The following NTRK2 variants were observed in gnomAD, a reference collection of about 807,000 sequenced individuals.
NTRK2 encodes BDNF/NT-3 growth factors receptor.
A neutral mutation model predicts 94.5 loss-of-function variants in NTRK2; 13 were observed. That is an observed-to-expected ratio of 0.14 (90% confidence interval 0.09 to 0.22). The LOEUF (loss-of-function observed/expected upper bound fraction) is 0.22, where lower values mean the gene tolerates loss of function less well. Among genes scored for constraint, NTRK2 ranks in the 10% least tolerant of loss-of-function variants. The pLI is 1.00. For missense variants in NTRK2, 639 were observed against 1,071.2 expected, an observed-to-expected ratio of 0.60 and a Z score of 5.63; for synonymous variants, 372 against 407.4, an observed-to-expected ratio of 0.91 and a Z score of 1.05.
At chr9:84,830,707 T>A (rs544433337) in intron 12 of NTRK2, among the ~76,000 whole-genome samples, 135 of 152,280 alleles carry the variant, frequency 8.9e-4, no homozygotes, top group South Asian at 8.3e-4. Flanking sequence ...AATATTTTTT[T>A]AAAAAAGTAT....
intron 12 of NTRK2, among the ~76,000 whole-genome samples, chr9:84,856,315 T>A (rs1347299051): frequency 6.6e-6 from 1 of 152,160 alleles, no homozygotes; most frequent in Non-Finnish European, 1.5e-5. Context: ...TAAGGATATG[T>A]CCTTAAGTAA....
chr9:84,821,470 C>T (rs928255934), intron 12 of NTRK2, among the ~76,000 whole-genome samples: 3 of 152,184 alleles, frequency 2.0e-5, no homozygotes, highest in African/African-American at 7.2e-5. Context: ...ACACTCCCAG[C>T]TCTTCTTAAA....
intron 17 of NTRK2, among the ~76,000 whole-genome samples, chr9:85,016,427 A>G (rs1832234774): frequency 6.6e-6 from 1 of 152,218 alleles, no homozygotes; most frequent in Non-Finnish European, 1.5e-5. Context: ...AGAGCCCCTG[A>G]GGCCCCACAG....
intron 12 of NTRK2, among the ~76,000 whole-genome samples, chr9:84,762,861 T>C (rs1441074923): frequency 6.6e-6 from 1 of 152,184 alleles, no homozygotes; most frequent in Non-Finnish European, 1.5e-5. Flanking sequence ...TCAGGTTGCA[T>C]TTGCCTTTCT....
At position 85,007,460 on chromosome 9, in the gene NTRK2, A is replaced by G. The variant is rs75748234; in HGVS notation, c.2173-12746A>G. Among the ~76,000 whole-genome samples the G allele has an allele frequency of 5.7e-3, 861 of 152,334 alleles. 25 individuals carry two copies. The highest frequency in any genetic ancestry group is 0.039 in the East Asian group (202 of 5,182). On this transcript the variant is annotated intron_variant, in intron 17 of 18. Transcript: ENST00000277120. The stretch of plus-strand genomic sequence containing the variant: ...TTTATCCTAAGGGCAATGGGAAGTC[A>G]CTGAAGAGTTTGCTATTGTATTAAC...
At chr9:84,855,773 A>G (rs1455559937) in intron 12 of NTRK2, among the ~76,000 whole-genome samples, 1 of 152,192 alleles carries the variant, frequency 6.6e-6, no homozygotes, top group Non-Finnish European at 1.5e-5. Flanking sequence ...CTACGCCCAC[A>G]TAACAATACC....
intron 12 of NTRK2, among the ~76,000 whole-genome samples, chr9:84,852,532 C>T (rs202157403): frequency 6.6e-6 from 1 of 152,160 alleles, no homozygotes; most frequent in East Asian, 1.9e-4. Flanking sequence ...CTGCCTTTCT[C>T]AAAGTTCCAA....
At chr9:84,966,575 G>A (rs1222700542) in intron 17 of NTRK2, among the ~76,000 whole-genome samples, 1 of 152,106 alleles carries the variant, frequency 6.6e-6, no homozygotes, top group Non-Finnish European at 1.5e-5. Context: ...GGGATTACAG[G>A]CACCTGCCAC....
chr9:84,726,732 G>A (rs923584165), intron 8 of NTRK2, among the ~76,000 whole-genome samples: 1 of 152,062 alleles, frequency 6.6e-6, no homozygotes, highest in African/African-American at 2.4e-5. Context: ...TAACCTCATT[G>A]CACTTTGGTT....
intron 17 of NTRK2, among the ~76,000 whole-genome samples, chr9:85,001,902 G>A (rs1463533129): frequency 6.6e-6 from 1 of 152,292 alleles, no homozygotes; most frequent in Non-Finnish European, 1.5e-5. Flanking sequence ...GGCAGGGAGG[G>A]GACAATTGAA....
chr9:84,779,387 G>A (rs191354433), intron 12 of NTRK2, among the ~76,000 whole-genome samples: 119 of 152,328 alleles, frequency 7.8e-4, no homozygotes, highest in African/African-American at 2.8e-3. Flanking sequence ...TGCTGTTGAG[G>A]CTAAGGCCAA....
chr9:84,769,619 G>A (rs10746750), intron 12 of NTRK2, among the ~76,000 whole-genome samples: 88,124 of 152,036 alleles, frequency 0.58, 27,221 homozygotes, highest in South Asian at 0.68. Context: ...AAAGAGCCAA[G>A]GACTTATTGC....
chr9:84,865,443 A>T (rs1046515474), intron 13 of NTRK2, among the ~76,000 whole-genome samples: 1 of 152,158 alleles, frequency 6.6e-6, no homozygotes, highest in African/African-American at 2.4e-5. Flanking sequence ...ACAAACTGTG[A>T]TAATCTCCAT....
intron 12 of NTRK2, among the ~76,000 whole-genome samples, chr9:84,791,670 G>A (rs1216111832): frequency 2.0e-5 from 3 of 152,100 alleles, no homozygotes; most frequent in Non-Finnish European, 4.4e-5. Context: ...GTAATGTTTT[G>A]TTATTTATTT....
intron 14 of NTRK2, chr9:84,872,162 A>G: frequency 4.2e-6 from 5 of 1,195,274 alleles, no homozygotes; most frequent in Non-Finnish European, 3.1e-6. Context: ...TGAACACCAC[A>G]TCACCTGACA....
In NTRK2 at chr9:84,955,228, C is replaced by T. The variant is rs3739807; in HGVS notation, c.1938-55C>T. On this transcript the variant is annotated intron_variant, in intron 16 of 18. Transcript: ENST00000277120. ...GACGGGGAGGGGCAGGGGCAAAGGG[C>T]CCCTGGAGTGAAAATGCTGAGGCCC... 0.076 allele frequency: 109,964 copies of T among 1,442,764 alleles called. 4,817 individuals carry two copies. Among genetic ancestry groups the T allele is most frequent in the Admixed American group, 0.14 (6,979 of 51,388 alleles). The allele number at this position is 1,442,764 out of a possible 1,614,324, so 89.4% of individuals were successfully genotyped here. A position where few individuals can be genotyped will look rare whatever the true frequency, so the allele number is the denominator to read the frequency against.
intron 12 of NTRK2, among the ~76,000 whole-genome samples, chr9:84,838,433 T>C (rs1338166877): frequency 1.3e-5 from 2 of 151,936 alleles, no homozygotes; most frequent in Non-Finnish European, 2.9e-5. Flanking sequence ...TAAGAAAAAA[T>C]GTACAATATT....
At chr9:84,864,235 G>T (rs2075467005) in intron 13 of NTRK2, among the ~76,000 whole-genome samples, 1 of 152,116 alleles carries the variant, frequency 6.6e-6, no homozygotes, top group Admixed American at 6.6e-5. Context: ...CATTTCTAAT[G>T]GTTCCAGGGG....
chr9:84,903,397 G>T (rs910392205), intron 14 of NTRK2, among the ~76,000 whole-genome samples: 1 of 152,196 alleles, frequency 6.6e-6, no homozygotes, highest in African/African-American at 2.4e-5. Flanking sequence ...AATTAGTTTA[G>T]AGCTGGTCAT....
Sources: allele counts gnomAD v4.1 joint callset (sites outside exome capture counted in the v4.1 genomes callset), GRCh38; gene constraint gnomAD v4.1.1; transcripts MANE v1.5; gene names NCBI Gene and HGNC (gene_info 2026-07-23, HGNC 2026-07-21).